CASQ2: variants seen among roughly 807,000 people sequenced by gnomAD.
The protein encoded by CASQ2 is calsequestrin 2.
In CASQ2, 49 loss-of-function variants were observed where a neutral mutation model predicts 46.5. That is an observed-to-expected ratio of 1.05 (90% CI 0.84 to 1.34). The LOEUF (loss-of-function observed/expected upper bound fraction) is 1.34, where lower values mean the gene tolerates loss of function less well. CASQ2 is among the 40% of genes most tolerant of loss of function. The pLI, the probability that CASQ2 is intolerant of heterozygous loss-of-function variation, is 0.00. For missense variants in CASQ2, 486 were observed against 481.3 expected, an observed-to-expected ratio of 1.01 and a Z score of -0.09; for synonymous variants, 174 against 168.5, an observed-to-expected ratio of 1.03 and a Z score of -0.25.
In CASQ2 at chr1:115,705,243, A is replaced by G. The variant is rs769250369; in HGVS notation, c.888T>C (p.Thr296=). The G allele has an allele frequency of 2.5e-6, 4 of 1,614,150 alleles. No individual in the cohort carries two copies. Among genetic ancestry groups the G allele is most frequent in the Admixed American group, 3.3e-5 (2 of 60,030 alleles). Residue 296 remains threonine, a synonymous_variant, in exon 9 of 11, where the codon ACT becomes ACC. Transcript: ENST00000261448. The part of the protein sequence containing the change: ...EILKQVARDN[T]DNPDLSILWI... ...ACAGGATGCTCAGATCGGGGTTGTC[A>G]GTATTGTCCCGGGCAACCTGTTTCA...
intron 5 of CASQ2, among the ~76,000 whole-genome samples, chr1:115,731,437 C>T (rs1195654072): frequency 6.6e-6 from 1 of 152,186 alleles, no homozygotes; most frequent in Non-Finnish European, 1.5e-5. Flanking sequence ...CCATCAGAAC[C>T]ATATGTCAGT....
intron 1 of CASQ2, among the ~76,000 whole-genome samples, chr1:115,761,978 TGGATGGTAG>T (rs1207698205): frequency 6.6e-6 from 1 of 152,222 alleles, no homozygotes; most frequent in Non-Finnish European, 1.5e-5. Flanking sequence ...AGGCACTGTG[TGGATGGTAG>T]CAGAGCATCC....
At chr1:115,722,150 G>A (rs1174501404) in intron 7 of CASQ2, among the ~76,000 whole-genome samples, 1 of 152,176 alleles carries the variant, frequency 6.6e-6, no homozygotes, top group African/African-American at 2.4e-5. Context: ...GGTCTGGTTA[G>A]GGTTCCTGGG....
chr1:115,712,945 C>T (rs1489426919), intron 8 of CASQ2, among the ~76,000 whole-genome samples: 1 of 151,982 alleles, frequency 6.6e-6, no homozygotes, highest in Non-Finnish European at 1.5e-5. Flanking sequence ...AGTTAGTGGT[C>T]CTACTTGAGA....
chr1:115,716,107 T>C (rs1358044970), intron 8 of CASQ2, among the ~76,000 whole-genome samples: 2 of 152,226 alleles, frequency 1.3e-5, no homozygotes, highest in Non-Finnish European at 1.5e-5. Context: ...CTACATTCCC[T>C]TGACTTCTCT....
At chr1:115,733,111 A>C in intron 4 of CASQ2, 137 bp from the exon 5 acceptor site, 1 of 599,356 alleles carries the variant, frequency 1.7e-6, no homozygotes, top group Non-Finnish European at 2.9e-6. Context: ...GTTTACATAG[A>C]TGTTATTTAA....
At chr1:115,748,172 T>C (rs1290259564) in intron 1 of CASQ2, among the ~76,000 whole-genome samples, 2 of 152,206 alleles carry the variant, frequency 1.3e-5, no homozygotes, top group African/African-American at 2.4e-5. Context: ...TGTTTGGCTC[T>C]ACAACTCATA....
Position 115,703,010 on chromosome 1 carries a change from A to C in CASQ2, c.940-15T>G, listed in dbSNP as rs1297123831. On this transcript the variant is annotated splice_polypyrimidine_tract_variant and intron_variant, in intron 9 of 10. Coordinates refer to ENST00000261448, the MANE Select transcript of CASQ2 (RefSeq NM_001232.4). ...TAGGCAACGAGCTGCAGCAACAAAA[A>C]AATAAGATTAGACAGCAGGCAGAGG... 6.2e-7 allele frequency: 1 copy of C among 1,607,342 alleles called. No homozygotes were observed. The highest frequency in any genetic ancestry group is 1.1e-5 in the South Asian group (1 of 89,976).
chr1:115,739,104 T>C (rs544255166), intron 3 of CASQ2, among the ~76,000 whole-genome samples: 2 of 147,318 alleles, frequency 1.4e-5, no homozygotes, highest in East Asian at 2.0e-4. Flanking sequence ...TGTGTATGTA[T>C]AGCACATTTT....
intron 8 of CASQ2, among the ~76,000 whole-genome samples, chr1:115,715,684 G>C (rs1291400133): frequency 1.3e-5 from 2 of 152,046 alleles, no homozygotes; most frequent in Admixed American, 1.3e-4. Flanking sequence ...TTACTATTAT[G>C]GTATATGGAT....
At chr1:115,704,075 C>G (rs910225576) in intron 9 of CASQ2, among the ~76,000 whole-genome samples, 3 of 152,154 alleles carry the variant, frequency 2.0e-5, no homozygotes, top group Non-Finnish European at 4.4e-5. Context: ...TATAATTACC[C>G]AGTGCTATGA....
At chr1:115,717,739 C>T in intron 8 of CASQ2, 101 bp downstream of exon 8, 1 of 910,220 alleles carries the variant, frequency 1.1e-6, no homozygotes, top group Non-Finnish European at 1.8e-6. Context: ...CTTGCAGTTG[C>T]ATTGTGGATG....
At chr1:115,760,202 CA>C (rs1329693171) in intron 1 of CASQ2, among the ~76,000 whole-genome samples, 1 of 152,112 alleles carries the variant, frequency 6.6e-6, no homozygotes, top group Non-Finnish European at 1.5e-5. Flanking sequence ...ATGAATGATC[CA>C]AAGGTCAAAC....
intron 8 of CASQ2, among the ~76,000 whole-genome samples, chr1:115,712,850 C>A (rs12746077): frequency 7.1e-6 from 1 of 140,770 alleles, no homozygotes; most frequent in African/African-American, 2.8e-5. Flanking sequence ...AGGGAGACTG[C>A]CTCAAAAAAA....
intron 1 of CASQ2, among the ~76,000 whole-genome samples, chr1:115,764,468 G>A (rs747477287): frequency 6.6e-6 from 1 of 152,064 alleles, no homozygotes; most frequent in African/African-American, 2.4e-5. Context: ...TACTTTTATT[G>A]CCTTTTAGTT....
intron 2 of CASQ2, among the ~76,000 whole-genome samples, chr1:115,741,508 C>G (rs774134377): frequency 6.6e-6 from 1 of 152,190 alleles, no homozygotes; most frequent in African/African-American, 2.4e-5. Flanking sequence ...CAGGTCTTCA[C>G]TATCAAAGTG....
rs72554061 is a variant in CASQ2 at position 115,738,359 on chromosome 1, C to G, written c.421-24G>C. The G allele has an allele frequency of 1.6e-3, 2,162 of 1,359,348 alleles. 1 individual carries two copies. The highest frequency in any genetic ancestry group is 2.0e-3 in the Non-Finnish European group (1,893 of 947,894). The allele number at this position is 1,359,348 out of a possible 1,614,324, so 84.2% of individuals were successfully genotyped here. ...AGCTGAAATGCCACACGCACATACA[C>G]ACATGTTCAAACAAGAGATTTCCTT... is the stretch of plus-strand genomic sequence containing the variant. On this transcript the variant is annotated intron_variant, in intron 3 of 10. Transcript: ENST00000261448.
In CASQ2 at chr1:115,738,207, G is replaced by T. The variant is rs768587375; in HGVS notation, c.532+17C>A. On this transcript the variant is annotated intron_variant, in intron 4 of 10. Coordinates refer to ENST00000261448, the MANE Select transcript of CASQ2 (RefSeq NM_001232.4). ...CTAGCTTTTAGACTGATCGGCTGGGGTTGGCAGACAACTTACATTCTGAGT... is the reference window on the plus strand; with the variant it reads ...CTAGCTTTTAGACTGATCGGCTGGGTTTGGCAGACAACTTACATTCTGAGT... The T allele has an allele frequency of 2.1e-5, 30 of 1,458,894 alleles. No individual in the cohort carries two copies. Among genetic ancestry groups the T allele is most frequent in the Non-Finnish European group, 2.5e-5 (26 of 1,038,362 alleles). The allele number at this position is 1,458,894 out of a possible 1,614,324, so 90.4% of individuals were successfully genotyped here. A position where few individuals can be genotyped will look rare whatever the true frequency, so the allele number is the denominator to read the frequency against.
At chr1:115,761,415 A>G (rs71221788) in intron 1 of CASQ2, among the ~76,000 whole-genome samples, 4 of 470 alleles carry the variant, frequency 8.5e-3, no homozygotes, top group African/African-American at 0.019. Context: ...GAAGAAGAAG[A>G]AGAAGAAGAA....
Sources: allele counts gnomAD v4.1 joint callset (sites outside exome capture counted in the v4.1 genomes callset), GRCh38; gene constraint gnomAD v4.1.1; transcripts MANE v1.5; gene names NCBI Gene and HGNC (gene_info 2026-07-23, HGNC 2026-07-21).